The following ST7 variants were observed in gnomAD, a reference collection of about 807,000 sequenced individuals.
ST7 encodes the protein suppression of tumorigenicity 7.
A neutral mutation model predicts 78.7 loss-of-function variants in ST7; 28 were observed. The ratio of observed to expected loss-of-function variants is 0.36; its 90% CI spans 0.26 to 0.49. The LOEUF (loss-of-function observed/expected upper bound fraction) is 0.49. Ranked by LOEUF, ST7 falls within the 20% of genes least tolerant of loss-of-function variation. The pLI is 0.99. For synonymous variants in ST7, 247 were observed against 249.6 expected, an observed-to-expected ratio of 0.99 and a Z score of 0.10; for missense variants, 418 against 696.0, an observed-to-expected ratio of 0.60 and a Z score of 4.49.
At chr7:117,100,678 A>T (rs1801504832) in intron 2 of ST7, among the ~76,000 whole-genome samples, 1 of 152,164 alleles carries the variant, frequency 6.6e-6, no homozygotes, top group African/African-American at 2.4e-5. Context: ...GCAAAAAAGC[A>T]ATATGATTAT....
intron 10 of ST7, among the ~76,000 whole-genome samples, chr7:117,180,283 A>T (rs558121961): frequency 6.6e-6 from 1 of 152,318 alleles, no homozygotes; most frequent in African/African-American, 2.4e-5. Context: ...TAACAATGAC[A>T]TGAGGAGAAA....
At chr7:117,180,378 C>T (rs38872) in intron 10 of ST7, among the ~76,000 whole-genome samples, 13,108 of 152,128 alleles carry the variant, frequency 0.086, 869 homozygotes, top group East Asian at 0.2. Context: ...GGACATGATG[C>T]GAATGCCTGT....
intron 1 of ST7, among the ~76,000 whole-genome samples, chr7:117,089,617 G>A (rs866665941): frequency 8.0e-5 from 12 of 150,840 alleles, no homozygotes; most frequent in Non-Finnish European, 1.2e-4. Flanking sequence ...TGTCGCCCAG[G>A]CTGGAGTGCA....
intron 8 of ST7, chr7:117,136,576 G>A: frequency 2.1e-6 from 1 of 470,430 alleles, no homozygotes. Context: ...AACCCAGATG[G>A]GAAACAGGAT....
intron 1 of ST7, among the ~76,000 whole-genome samples, chr7:117,090,472 T>C (rs1432701918): frequency 6.6e-6 from 1 of 152,200 alleles, no homozygotes; most frequent in African/African-American, 2.4e-5. Flanking sequence ...CTGTGTTGGC[T>C]GATGGAGGAT....
At chr7:117,035,189 T>C (rs1303933814) in intron 1 of ST7, among the ~76,000 whole-genome samples, 4 of 150,748 alleles carry the variant, frequency 2.7e-5, no homozygotes, top group African/African-American at 9.8e-5. Context: ...CTTCATATGC[T>C]CTGGAATTAC....
intron 1 of ST7, among the ~76,000 whole-genome samples, chr7:117,013,752 G>A (rs1348221668): frequency 6.6e-6 from 1 of 152,170 alleles, no homozygotes; most frequent in Non-Finnish European, 1.5e-5. Flanking sequence ...AGAATTGCTT[G>A]AACCCAGGAG....
At chr7:117,037,934 G>A (rs1420080551) in intron 1 of ST7, among the ~76,000 whole-genome samples, 1 of 152,136 alleles carries the variant, frequency 6.6e-6, no homozygotes, top group Non-Finnish European at 1.5e-5. Flanking sequence ...GATATAAGCT[G>A]TGTTCTTTAA....
chr7:117,079,906 G>GA lies in ST7; in HGVS notation c.152-19848dup, dbSNP rs948706657. Among the ~76,000 whole-genome samples the GA allele has an allele frequency of 1.4e-4, 16 of 115,590 alleles. 1 individual carries two copies. In the South Asian group the frequency reaches 2.7e-3, roughly 19 times the overall value. 75.8% of individuals were successfully genotyped at this position (115,590 alleles called of 152,430 possible). A position where few individuals can be genotyped will look rare whatever the true frequency, so the allele number is the denominator to read the frequency against. ...TAGAAAATTTCAAGTCTGTAGTGAAGAAAAAAAATCACTTACAGTTCTACC... is the reference window on the plus strand; with the variant it reads ...TAGAAAATTTCAAGTCTGTAGTGAAGAAAAAAAAATCACTTACAGTTCTACC... On this transcript the variant is annotated intron_variant, in intron 1 of 15. Transcript: ENST00000323984.
intron 1 of ST7, among the ~76,000 whole-genome samples, chr7:117,074,143 C>T (rs1799173477): frequency 1.3e-5 from 2 of 152,156 alleles, no homozygotes; most frequent in Admixed American, 1.3e-4. Flanking sequence ...GTAATCCCAG[C>T]ACGTTGGGAG....
intron 9 of ST7, among the ~76,000 whole-genome samples, chr7:117,161,735 G>A (rs1268691566): frequency 6.6e-6 from 1 of 151,816 alleles, no homozygotes; most frequent in Non-Finnish European, 1.5e-5. Context: ...AAGTAGCTGG[G>A]ATTACAGGTG....
chr7:117,159,820 A>T (rs944364391), intron 9 of ST7, among the ~76,000 whole-genome samples: 2 of 152,006 alleles, frequency 1.3e-5, no homozygotes, highest in Admixed American at 1.3e-4. Context: ...TGGAACCCAG[A>T]AGGCGGAGGT....
At chr7:116,990,615 T>C (rs958588953) in intron 1 of ST7, among the ~76,000 whole-genome samples, 12 of 152,202 alleles carry the variant, frequency 7.9e-5, no homozygotes, top group African/African-American at 2.7e-4. Flanking sequence ...CTGTGTACTT[T>C]CCTTTAGAAA....
intron 2 of ST7, among the ~76,000 whole-genome samples, chr7:117,101,196 A>G (rs773229844): frequency 6.6e-6 from 1 of 152,024 alleles, no homozygotes; most frequent in Non-Finnish European, 1.5e-5. Flanking sequence ...GGATTGTTAA[A>G]CTCGTGGCAT....
intron 1 of ST7, chr7:116,959,096 C>T: frequency 6.8e-6 from 3 of 444,108 alleles, no homozygotes; most frequent in South Asian, 4.9e-5. Context: ...TATCACCCTG[C>T]CACGGCTTTA....
At position 116,993,776 on chromosome 7, in the gene ST7, A is replaced by G. The variant is rs371309594; in HGVS notation, c.151+40085A>G. On this transcript the variant is annotated intron_variant, in intron 1 of 15. Coordinates refer to ENST00000323984, the MANE Select transcript of ST7 (RefSeq NM_001369598.1). ...TAGAAGGATCAGGGATGAAATTGAG[A>G]CTCACCATGTAGAAACTTCACAACT... 1.6e-4 allele frequency among the ~76,000 whole-genome samples: 25 copies of G among 152,300 alleles called. No homozygotes were observed. The South Asian group carries it at 5.0e-3, about 30-fold the overall frequency.
Position 117,165,970 on chromosome 7 carries a change from G to A in ST7, c.964-4892G>A, listed in dbSNP as rs968851769. Among the ~76,000 whole-genome samples the A allele has an allele frequency of 5.3e-5, 8 of 152,160 alleles. 1 individual carries two copies. On this transcript the variant is annotated intron_variant, in intron 9 of 15. Coordinates refer to ENST00000323984, the MANE Select transcript of ST7 (RefSeq NM_001369598.1). ...ACAGGGACTTGTCACAAGGGGCTAC[G>A]TTTGCCATGCTAAGCATTTTAGATT...
At chr7:117,145,852 G>A (rs1563119438) in intron 9 of ST7, among the ~76,000 whole-genome samples, 1 of 152,118 alleles carries the variant, frequency 6.6e-6, no homozygotes, top group Non-Finnish European at 1.5e-5. Context: ...CTAAAAACAT[G>A]TTTTGTATGC....
At position 117,190,641 on chromosome 7, in the gene ST7, C is replaced by T. The variant is rs1033400137; in HGVS notation, c.1152-193C>T. On this transcript the variant is annotated intron_variant, in intron 11 of 15. Transcript: ENST00000323984. The surrounding 1 kb of genome is among the most constrained non-coding windows in gnomAD (Gnocchi z 5.2). ...CTCCTGCCATGACTAGATGCAAGCA[C>T]GCTTTCTGCTTCTGCTGGGGTTTTT... Among the ~76,000 whole-genome samples the T allele has an allele frequency of 2.6e-5, 4 of 152,196 alleles. No homozygotes were observed. The highest frequency in any genetic ancestry group is 1.9e-4 in the East Asian group (1 of 5,188).
Sources: gnomAD v4.1 joint callset for allele counts (sites outside exome capture counted in the v4.1 genomes callset) on GRCh38, gnomAD v4.1.1 for gene constraint, Gnocchi (gnomAD v3.1) non-coding constraint, MANE v1.5 for transcripts, NCBI Gene and HGNC (gene_info 2026-07-23, HGNC 2026-07-21) for gene names.